ADH7: variants seen among roughly 807,000 people sequenced by gnomAD.
The protein encoded by ADH7 is all-trans-retinol dehydrogenase [NAD(+)] ADH7.
A neutral mutation model predicts 34.4 loss-of-function variants in ADH7; 41 were observed. The observed-to-expected ratio is 1.19, with a 90% CI of 0.93 to 1.55. ADH7 has a LOEUF of 1.55. Ranked by LOEUF, ADH7 falls within the 40% of genes most tolerant of loss-of-function variation. The pLI is 0.00. For synonymous variants in ADH7, 180 were observed against 160.9 expected (o/e 1.12, Z -0.90); for missense variants, 540 against 461.2 (o/e 1.17, Z -1.56).
At chr4:99,428,026 A>G in intron 4 of ADH7, 37 bp from the exon 5 acceptor site, 1 of 1,612,860 alleles carries the variant, frequency 6.2e-7, no homozygotes, top group Non-Finnish European at 8.5e-7. Flanking sequence ...TAATTAATTC[A>G]ATTCAAAAAT....
chr4:99,424,036 A>C (rs1197515915), intron 5 of ADH7, among the ~76,000 whole-genome samples: 2 of 151,956 alleles, frequency 1.3e-5, no homozygotes, highest in Non-Finnish European at 2.9e-5. Flanking sequence ...TCTTTAATCC[A>C]TCTTGAATTA....
intron 2 of ADH7, 131 bp downstream of exon 2, chr4:99,429,401 G>T: frequency 1.7e-6 from 1 of 604,084 alleles, no homozygotes; most frequent in Non-Finnish European, 2.9e-6. Context: ...ATATATAAGA[G>T]CCAGTAAAGG....
At chr4:99,428,671 G>A (rs1301077899) in intron 2 of ADH7, 41 bp from the exon 3 acceptor site, 1 of 1,589,024 alleles carries the variant, frequency 6.3e-7, no homozygotes, top group South Asian at 1.2e-5. Flanking sequence ...TCAACAAACT[G>A]ATCATTTCAC....
At chr4:99,425,637 A>G (rs1721782922) in intron 5 of ADH7, among the ~76,000 whole-genome samples, 1 of 152,186 alleles carries the variant, frequency 6.6e-6, no homozygotes, top group Non-Finnish European at 1.5e-5. Context: ...CACTGTCAAC[A>G]TTAGACAGAT....
chr4:99,434,469 A>C (rs1722003266), intron 1 of ADH7, among the ~76,000 whole-genome samples: 1 of 152,150 alleles, frequency 6.6e-6, no homozygotes, highest in Non-Finnish European at 1.5e-5. Context: ...TAAGCAAGCT[A>C]AATGCAAAAT....
intron 7 of ADH7, among the ~76,000 whole-genome samples, chr4:99,418,300 A>G (rs548673955): frequency 6.6e-6 from 1 of 152,042 alleles, no homozygotes; most frequent in East Asian, 1.9e-4. Flanking sequence ...TCCTTTTTAT[A>G]CTCTTAACAA....
intron 7 of ADH7, among the ~76,000 whole-genome samples, chr4:99,418,269 A>T (rs1331964370): frequency 1.3e-5 from 2 of 152,108 alleles, no homozygotes; most frequent in African/African-American, 4.8e-5. Flanking sequence ...GTACTTCTCT[A>T]AGTGAAGAAC....
At chr4:99,419,173 A>G (rs760128066) in intron 6 of ADH7, 52 bp from the exon 7 acceptor site, 5 of 1,583,948 alleles carry the variant, frequency 3.2e-6, no homozygotes, top group Non-Finnish European at 4.3e-6. Context: ...TTACAGTGTG[A>G]CATAAGCTCT....
chr4:99,419,020 G>A lies in ADH7; in HGVS notation c.927C>T (p.Phe309=), dbSNP rs749932162. 1.2e-6 allele frequency: 2 copies of A among 1,613,888 alleles called. No individual in the cohort carries two copies. Among genetic ancestry groups the A allele is most frequent in the South Asian group, 2.2e-5 (2 of 91,080 alleles). ...CACATCCCTTCCATGTGCGTCCAGT[G>A]AAGAGCAACATCGGGTCATAGGTGA... The part of the protein sequence containing the change: ...KMLTYDPMLL[F]TGRTWKGCVF... Residue 309 remains phenylalanine, a synonymous_variant, in exon 7 of 9, where the codon TTC becomes TTT. Coordinates refer to ENST00000437033, the MANE Select transcript of ADH7 (RefSeq NM_000673.7).
At position 99,420,565 on chromosome 4, in the gene ADH7, T is replaced by C; in HGVS notation, c.793A>G (p.Thr265Ala). Residue 265 changes from threonine to alanine, a missense_variant, in exon 6 of 9, where the codon ACC (threonine) becomes GCC (alanine). Transcript: ENST00000437033. Reference sequence around the variant, plus strand: ...TCAAGATGCCCAATAACTTCAAAGGTGTATCCCACGTTGTTGCCTGTCATT... The same window carrying C: ...TCAAGATGCCCAATAACTTCAAAGGCGTATCCCACGTTGTTGCCTGTCATT... ...SEMTGNNVGY[T>A]FEVIGHLETM... is the part of the protein sequence containing the mutation. 1.2e-6 allele frequency: 2 copies of C among 1,613,950 alleles called. No homozygotes were observed. The highest frequency in any genetic ancestry group is 1.7e-6 in the Non-Finnish European group (2 of 1,179,914).
intron 1 of ADH7, among the ~76,000 whole-genome samples, chr4:99,434,020 C>T (rs1338040526): frequency 6.6e-6 from 1 of 152,158 alleles, no homozygotes; most frequent in Non-Finnish European, 1.5e-5. Flanking sequence ...GCAAACCACA[C>T]TATTGCATGA....
chr4:99,426,149 G>T (rs1233886249), intron 5 of ADH7, among the ~76,000 whole-genome samples: 2 of 151,910 alleles, frequency 1.3e-5, no homozygotes, highest in African/African-American at 2.4e-5. Context: ...AATTAAAAGA[G>T]CTAGAAAAAC....
At chr4:99,414,383 C>T (rs17029037) in intron 8 of ADH7, among the ~76,000 whole-genome samples, 2,191 of 152,176 alleles carry the variant, frequency 0.014, 51 homozygotes, top group African/African-American at 0.048. Flanking sequence ...ATGAAATCCA[C>T]GTCCTTGGCA....
In ADH7 at chr4:99,427,791, A is replaced by C. The variant is rs1361648960; in HGVS notation, c.546T>G (p.Ala182=). Residue 182 remains alanine, a synonymous_variant, in exon 5 of 9, where the codon GCT becomes GCG. Transcript: ENST00000437033. ...IGCGFSTGYG[A]AVKTGKVKPG... The stretch of plus-strand genomic sequence containing the variant: ...TTCTTACCTTGCCAGTTTTAACAGC[A>C]GCGCCATATCCAGTGGAAAACCCAC... 6.4e-7 allele frequency: 1 copy of C among 1,563,020 alleles called. No individual in the cohort carries two copies. The highest frequency in any genetic ancestry group is 8.7e-7 in the Non-Finnish European group (1 of 1,153,586).
chr4:99,433,920 A>T (rs895993698), intron 1 of ADH7, among the ~76,000 whole-genome samples: 4 of 152,216 alleles, frequency 2.6e-5, no homozygotes, highest in African/African-American at 9.6e-5. Context: ...TTTATTATAA[A>T]GAGAAAAAAT....
chr4:99,427,374 C>T (rs1721833402), intron 5 of ADH7, among the ~76,000 whole-genome samples: 1 of 152,070 alleles, frequency 6.6e-6, no homozygotes, highest in African/African-American at 2.4e-5. Context: ...AATGTACTTA[C>T]TACTGTATTT....
In ADH7 at chr4:99,427,991, T is replaced by A. The variant is rs755319536; in HGVS notation, c.348-2A>T. 6.2e-7 allele frequency: 1 copy of A among 1,613,822 alleles called. No homozygotes were observed. Among genetic ancestry groups the A allele is most frequent in the Non-Finnish European group, 8.5e-7 (1 of 1,179,798 alleles). ...GCCAGTACTCCACGACCAGTAATAC[T>A]GTTTGATACATCAAATACACGTATT... is the stretch of plus-strand genomic sequence containing the variant. On this transcript the variant is annotated splice_acceptor_variant, in intron 4 of 8. Transcript: ENST00000437033. LOFTEE classifies it high-confidence loss of function.
intron 1 of ADH7, chr4:99,434,882 T>C (rs904390952): frequency 8.9e-6 from 6 of 676,902 alleles, no homozygotes; most frequent in Admixed American, 2.5e-5. Flanking sequence ...CTGAGACGAT[T>C]GAAGTGTCCT....
chr4:99,413,634 A>C (rs1476473925), intron 8 of ADH7, among the ~76,000 whole-genome samples: 1 of 152,210 alleles, frequency 6.6e-6, no homozygotes, highest in African/African-American at 2.4e-5. Context: ...GGCTTTCAAA[A>C]CCATGCTAAG....
Sources: allele counts gnomAD v4.1 joint callset (sites outside exome capture counted in the v4.1 genomes callset), GRCh38; gene constraint gnomAD v4.1.1; transcripts MANE v1.5; gene names NCBI Gene and HGNC (gene_info 2026-07-23, HGNC 2026-07-21).